The following FYCO1 variants were observed in gnomAD, a reference collection of about 807,000 sequenced individuals.
FYCO1 encodes the protein FYVE and coiled-coil domain autophagy adaptor 1.
A neutral mutation model predicts 165.1 loss-of-function variants in FYCO1; 122 were observed. The observed-to-expected ratio is 0.74, with a 90% confidence interval of 0.64 to 0.86. The LOEUF (loss-of-function observed/expected upper bound fraction) is 0.86, where lower values mean the gene tolerates loss of function less well. Ranked by LOEUF, FYCO1 falls within the 40% of genes least tolerant of loss-of-function variation. FYCO1 has a pLI of 0.00. For missense variants in FYCO1, 1,702 were observed against 1,810.3 expected (o/e 0.94, Z 1.09); for synonymous variants, 648 against 742.5 (o/e 0.87, Z 2.07).
chr3:45,967,910 T>A lies in FYCO1; in HGVS notation c.1424A>T (p.Glu475Val). ...EADQLWRRLQELLAHTSSWEE... is the reference protein window; with the variant it reads ...EADQLWRRLQVLLAHTSSWEE... ...CCAGGAGCTCGTGTGGGCCAGCAAC[T>A]CCTGCAGCCGTCGCCAGAGCTGGTC... The change falls in exon 8 of 18, where the codon GAG (glutamate) becomes GTG (valine). Residue 475 changes from glutamate to valine, a missense_variant. Coordinates refer to ENST00000296137, the MANE Select transcript of FYCO1 (RefSeq NM_024513.4). The A allele has an allele frequency of 1.2e-6, 2 of 1,614,080 alleles. No individual in the cohort carries two copies. Among genetic ancestry groups the A allele is most frequent in the Non-Finnish European group, 1.7e-6 (2 of 1,180,006 alleles).
intron 7 of FYCO1, among the ~76,000 whole-genome samples, chr3:45,969,156 A>G (rs1436619687): frequency 6.6e-6 from 1 of 152,202 alleles, no homozygotes; most frequent in African/African-American, 2.4e-5. Flanking sequence ...ATTGCTATTC[A>G]GTTTCCACAG....
At chr3:45,944,018 A>G (rs1704418038) in intron 14 of FYCO1, among the ~76,000 whole-genome samples, 1 of 152,210 alleles carries the variant, frequency 6.6e-6, no homozygotes, top group African/African-American at 2.4e-5. Flanking sequence ...CACCAGCTGG[A>G]GGCCAACTGT....
At chr3:45,923,987 C>T (rs1168780845) in intron 16 of FYCO1, among the ~76,000 whole-genome samples, 2 of 152,206 alleles carry the variant, frequency 1.3e-5, no homozygotes, top group Non-Finnish European at 2.9e-5. Flanking sequence ...AGAATCATGA[C>T]TTGGTCAGCA....
At chr3:45,963,690 A>C (rs1705829992) in intron 10 of FYCO1, among the ~76,000 whole-genome samples, 1 of 152,218 alleles carries the variant, frequency 6.6e-6, no homozygotes, top group Admixed American at 6.5e-5. Flanking sequence ...TCTTTTCTTA[A>C]TCAGGTCCTG....
rs113318190 is a variant in FYCO1 at position 45,936,520 on chromosome 3, G to A, written c.3968C>T (p.Thr1323Met). 254 of 1,613,130 alleles carry A rather than the reference G, an allele frequency of 1.6e-4. No homozygotes were observed. Among genetic ancestry groups the A allele is most frequent in the Admixed American group, 3.5e-4 (21 of 60,030 alleles). Reference sequence around the variant, plus strand: ...GGGCATGTCTTCAGTGTCCTCAGGCGTTAGCGAGGTTGATGTAGTATCCCT... The same window carrying A: ...GGGCATGTCTTCAGTGTCCTCAGGCATTAGCGAGGTTGATGTAGTATCCCT... Reference protein sequence around the residue: ...AEQDTTSTSLTPEDTEDMPVG... With the variant: ...AEQDTTSTSLMPEDTEDMPVG... Residue 1323 changes from threonine (T) to methionine (M), a missense_variant, in exon 15 of 18, where the codon ACG (threonine) becomes ATG (methionine). Physicochemically the swap from Thr to Met is moderately conservative, Grantham distance 81. Transcript: ENST00000296137.
chr3:45,956,005 T>A (rs1489268520), intron 13 of FYCO1, among the ~76,000 whole-genome samples: 1 of 149,888 alleles, frequency 6.7e-6, no homozygotes, highest in Middle Eastern at 3.2e-3. Context: ...CTCTCCAGCA[T>A]ATGTCACGGA....
At position 45,931,284 on chromosome 3, in the gene FYCO1, AAAAT is replaced by A; in HGVS notation, c.4041-7_4041-4del. 6.2e-7 allele frequency: 1 copy of A among 1,613,312 alleles called. No homozygotes were observed. Among genetic ancestry groups the A allele is most frequent in the East Asian group, 2.2e-5 (1 of 44,888 alleles). On this transcript the variant is annotated splice_polypyrimidine_tract_variant and splice_region_variant and intron_variant, in intron 15 of 17. Coordinates refer to ENST00000296137, the MANE Select transcript of FYCO1 (RefSeq NM_024513.4). ...CCACTGTGAGGGGTACTTTGATCCT[AAAAT>A]AAAAATACAGAGAGGGACCTGATTG... is the stretch of plus-strand genomic sequence containing the variant.
At chr3:45,933,955 A>G (rs1703760489) in intron 15 of FYCO1, among the ~76,000 whole-genome samples, 1 of 152,168 alleles carries the variant, frequency 6.6e-6, no homozygotes, top group Non-Finnish European at 1.5e-5. Context: ...AAAGTACCAA[A>G]TGGAAATTTT....
intron 6 of FYCO1, among the ~76,000 whole-genome samples, chr3:45,970,808 A>C (rs1706400395): frequency 6.6e-6 from 1 of 152,164 alleles, no homozygotes; most frequent in Non-Finnish European, 1.5e-5. Flanking sequence ...AGGCAAAATG[A>C]AAAAAGCAGG....
At chr3:45,986,650 G>A (rs906289583) in intron 1 of FYCO1, among the ~76,000 whole-genome samples, 1 of 152,142 alleles carries the variant, frequency 6.6e-6, no homozygotes, top group Admixed American at 6.5e-5. Context: ...AAGAGCTTCA[G>A]GGGAGCCACA....
rs776073545 is a variant in FYCO1 at position 45,962,269 on chromosome 3, G to C, written c.3393C>G (p.Asn1131Lys). 6.2e-7 allele frequency: 1 copy of C among 1,614,118 alleles called. No individual in the cohort carries two copies. The highest frequency in any genetic ancestry group is 1.7e-5 in the Admixed American group (1 of 60,008). The change falls in exon 11 of 18, where the codon AAC becomes AAG. Residue 1131 changes from asparagine (N) to lysine (K), a missense_variant. Coordinates refer to ENST00000296137, the MANE Select transcript of FYCO1 (RefSeq NM_024513.4). This position sits in a 1 kb window ranked among gnomAD's most constrained non-coding sequence, Gnocchi z 4.4. ...QKMLADLDDL[N>K]RTKKYLEERL... ...GCTCCTCGAGATACTTCTTGGTTCTGTTGAGGTCATCCAGGTCAGCAAGCA... is the reference window on the plus strand; with the variant it reads ...GCTCCTCGAGATACTTCTTGGTTCTCTTGAGGTCATCCAGGTCAGCAAGCA...
In FYCO1 at chr3:45,958,610, G is replaced by T; in HGVS notation, c.3597C>A (p.Gly1199=). The change falls in exon 13 of 18, where the codon GGC becomes GGA. Residue 1199 remains glycine, a synonymous_variant. Coordinates refer to ENST00000296137, the MANE Select transcript of FYCO1 (RefSeq NM_024513.4). ...TGCAGCAGTAGTAACAGAAGATGCGGCCACATATCCTGGGAACAAAACAAG... is the reference window on the plus strand; with the variant it reads ...TGCAGCAGTAGTAACAGAAGATGCGTCCACATATCCTGGGAACAAAACAAG... The part of the protein sequence containing the change: ...MVRRHHCRIC[G]RIFCYYCCNN... 1 of 1,614,192 alleles carries T rather than the reference G, an allele frequency of 6.2e-7. No individual in the cohort carries two copies. Among genetic ancestry groups the T allele is most frequent in the Non-Finnish European group, 8.5e-7 (1 of 1,180,026 alleles).
intron 15 of FYCO1, among the ~76,000 whole-genome samples, chr3:45,935,816 A>G (rs2125804480): frequency 6.6e-6 from 1 of 152,240 alleles, no homozygotes; most frequent in East Asian, 1.9e-4. Flanking sequence ...GTTTACTGAC[A>G]TGCTCTAAGC....
At chr3:45,944,218 A>G (rs1047976878) in intron 14 of FYCO1, among the ~76,000 whole-genome samples, 35 of 150,352 alleles carry the variant, frequency 2.3e-4, no homozygotes, top group African/African-American at 3.2e-4. Flanking sequence ...GTGTGTGTGT[A>G]TATATATATA....
intron 4 of FYCO1, among the ~76,000 whole-genome samples, chr3:45,977,100 A>G (rs1417888385): frequency 1.3e-5 from 2 of 152,138 alleles, no homozygotes; most frequent in Non-Finnish European, 2.9e-5. Context: ...GGTGATAACC[A>G]GGAAATTCAG....
intron 15 of FYCO1, among the ~76,000 whole-genome samples, chr3:45,932,575 G>A (rs1404018446): frequency 6.6e-6 from 1 of 152,204 alleles, no homozygotes; most frequent in African/African-American, 2.4e-5. Context: ...TAACACAGGG[G>A]AGGGAATTAA....
At position 45,968,582 on chromosome 3, in the gene FYCO1, T is replaced by A. The variant is rs767985474; in HGVS notation, c.752A>T (p.Glu251Val). ...QLEVREKQLR[E>V]RMQQLDRENQ... ...CTCTCTGTCCAGCTGCTGCATGCGC[T>A]CCCGTAGCTGCTTCTCCCGCACCTC... Residue 251 changes from glutamate (E) to valine (V), a missense_variant, in exon 8 of 18, where the codon GAG becomes GTG. By Grantham distance (121) the Glu-to-Val change is moderately radical. Coordinates refer to ENST00000296137, the MANE Select transcript of FYCO1 (RefSeq NM_024513.4). 5.0e-6 allele frequency: 8 copies of A among 1,613,878 alleles called. No individual in the cohort carries two copies. Among genetic ancestry groups the A allele is most frequent in the Non-Finnish European group, 3.4e-6 (4 of 1,180,000 alleles).
At position 45,968,266 on chromosome 3, in the gene FYCO1, G is replaced by A. The variant is rs145436863; in HGVS notation, c.1068C>T (p.Asp356=). The change falls in exon 8 of 18, where the codon GAC becomes GAT. Residue 356 remains aspartate (D), a synonymous_variant. Transcript: ENST00000296137. ...AATGCTGGTTTTTCTTGTCCAGTGA[G>A]TCCCGTGTGGCCTCAAGCTCCTGTG... The part of the protein sequence containing the change: ...PLAQELEATR[D]SLDKKNQHLA... 2.4e-5 allele frequency: 38 copies of A among 1,613,888 alleles called. No homozygotes were observed. The highest frequency in any genetic ancestry group is 1.6e-4 in the Middle Eastern group (1 of 6,084).
intron 1 of FYCO1, among the ~76,000 whole-genome samples, chr3:45,991,969 G>A (rs957139360): frequency 3.3e-5 from 5 of 152,300 alleles, no homozygotes; most frequent in Admixed American, 2.0e-4. Flanking sequence ...CCAGGGATGC[G>A]GAGCACAGAG....
Sources: gnomAD v4.1 joint callset for allele counts (sites outside exome capture counted in the v4.1 genomes callset) on GRCh38, gnomAD v4.1.1 for gene constraint, Gnocchi (gnomAD v3.1) non-coding constraint, MANE v1.5 for transcripts, NCBI Gene and HGNC (gene_info 2026-07-23, HGNC 2026-07-21) for gene names.